LPP: variants seen among roughly 807,000 people sequenced by gnomAD.
LPP encodes the protein LIM domain containing preferred translocation partner in lipoma, also known as lipoma-preferred partner.
Under a neutral mutation model 60.4 loss-of-function variants are expected in LPP, and 38 were observed. The ratio of observed to expected loss-of-function variants is 0.63; its 90% CI spans 0.49 to 0.83. The LOEUF is 0.83. LPP is among the 40% of genes least tolerant of loss of function. LPP has a pLI of 0.00. For synonymous variants in LPP, 328 were observed against 290.8 expected (o/e 1.13, Z -1.30); for missense variants, 902 against 783.6 (o/e 1.15, Z -1.80).
chr3:188,619,458 A>G (rs1372672645), intron 7 of LPP, among the ~76,000 whole-genome samples: 2 of 152,266 alleles, frequency 1.3e-5, no homozygotes, highest in African/African-American at 4.8e-5. Context: ...AGAGGAGTTC[A>G]GGAAGGCAGC....
intron 5 of LPP, among the ~76,000 whole-genome samples, chr3:188,497,892 G>C (rs563833461): frequency 2.0e-5 from 3 of 151,996 alleles, no homozygotes; most frequent in Non-Finnish European, 4.4e-5. Flanking sequence ...TTTGGGCCAC[G>C]GCAACTATAT....
chr3:188,519,256 G>A lies in LPP; in HGVS notation c.307-5409G>A, dbSNP rs190279417. Among the ~76,000 whole-genome samples, 8 of 152,284 alleles carry A rather than the reference G, an allele frequency of 5.3e-5. No individual in the cohort carries two copies. The East Asian group carries it at 1.5e-3, about 29-fold the overall frequency. ...AAGCATGGGCCAAACTGACCCTTGAGCTTCCTGATGGGATGCAGCAGAAGG... is the reference window on the plus strand; with the variant it reads ...AAGCATGGGCCAAACTGACCCTTGAACTTCCTGATGGGATGCAGCAGAAGG... On this transcript the variant is annotated intron_variant, in intron 5 of 11. Transcript: ENST00000617246.
chr3:188,399,850 GA>G (rs1781834397), intron 3 of LPP, among the ~76,000 whole-genome samples: 1 of 152,026 alleles, frequency 6.6e-6, no homozygotes, highest in African/African-American at 2.4e-5. Context: ...TGATTTGGAC[GA>G]AAAAAAGGAA....
intron 2 of LPP, among the ~76,000 whole-genome samples, chr3:188,294,493 G>A (rs1358100782): frequency 6.6e-6 from 1 of 152,146 alleles, no homozygotes; most frequent in Non-Finnish European, 1.5e-5. Context: ...TAACAATGGT[G>A]AACACACTTA....
At chr3:188,262,558 C>A (rs980027778) in intron 2 of LPP, among the ~76,000 whole-genome samples, 2 of 152,004 alleles carry the variant, frequency 1.3e-5, no homozygotes, top group African/African-American at 2.4e-5. Context: ...TTAAAGGATT[C>A]AAGATTTAAA....
chr3:188,269,819 T>G (rs1737059494), intron 2 of LPP, among the ~76,000 whole-genome samples: 1 of 152,096 alleles, frequency 6.6e-6, no homozygotes, highest in East Asian at 1.9e-4. Context: ...CCCTAATTTT[T>G]GTATTTTTAG....
At chr3:188,483,130 T>C (rs1487458771) in intron 4 of LPP, among the ~76,000 whole-genome samples, 1 of 152,176 alleles carries the variant, frequency 6.6e-6, no homozygotes, top group Non-Finnish European at 1.5e-5. Flanking sequence ...AGCGGAGTAC[T>C]CGAGAGATAG....
intron 1 of LPP, among the ~76,000 whole-genome samples, chr3:188,195,399 G>A (rs1003891818): frequency 6.6e-6 from 1 of 152,138 alleles, no homozygotes; most frequent in Admixed American, 6.5e-5. Context: ...CCCAAGACTA[G>A]AAACTTAAAG....
rs982260452 is a variant in LPP, at chr3:188,888,704, C to T, written c.*14225C>T. ...ACCCAGAGTCGTACTGTGCAGCCTT[C>T]AAAAACATACCATCAGAAAGAGTAG... On this transcript the variant is annotated 3_prime_UTR_variant, in exon 12 of 12. Transcript: ENST00000617246. 8 of 221,388 alleles carry T rather than the reference C, an allele frequency of 3.6e-5. No homozygotes were observed. The highest frequency in any genetic ancestry group is 5.4e-5 in the Non-Finnish European group (6 of 110,666). The allele number at this position is 221,388 out of a possible 1,614,324, so 13.7% of individuals were successfully genotyped here. A position where few individuals can be genotyped will look rare whatever the true frequency, so the allele number is the denominator to read the frequency against.
intron 1 of LPP, among the ~76,000 whole-genome samples, chr3:188,216,297 A>C (rs1204899074): frequency 9.4e-5 from 11 of 117,538 alleles, no homozygotes; most frequent in Admixed American, 4.3e-4. Flanking sequence ...TTTTTGATGG[A>C]GTCTCACTCT....
intron 7 of LPP, among the ~76,000 whole-genome samples, chr3:188,700,541 A>G (rs2149581576): frequency 6.6e-6 from 1 of 152,258 alleles, no homozygotes; most frequent in East Asian, 1.9e-4. Context: ...AGAAAGGATG[A>G]TGGATATTTT....
intron 7 of LPP, among the ~76,000 whole-genome samples, chr3:188,701,941 T>C (rs966863914): frequency 7.5e-6 from 1 of 132,998 alleles, no homozygotes; most frequent in Admixed American, 9.5e-5. Context: ...TCTGTTTTTT[T>C]CCCTTTTTTT....
At chr3:188,450,597 T>C (rs894536687) in intron 4 of LPP, among the ~76,000 whole-genome samples, 1 of 151,926 alleles carries the variant, frequency 6.6e-6, no homozygotes, top group Non-Finnish European at 1.5e-5. Flanking sequence ...ATACAAAAAT[T>C]AGCTGGGCAT....
At chr3:188,316,626 A>C (rs74464406) in intron 2 of LPP, among the ~76,000 whole-genome samples, 23 of 152,226 alleles carry the variant, frequency 1.5e-4, no homozygotes, top group Non-Finnish European at 2.6e-4. Context: ...GCTGTAGTGC[A>C]GGGAAAGATG....
At chr3:188,702,192 G>T (rs1302101929) in intron 7 of LPP, among the ~76,000 whole-genome samples, 1 of 151,914 alleles carries the variant, frequency 6.6e-6, no homozygotes, top group Non-Finnish European at 1.5e-5. Flanking sequence ...TCCTGACCTC[G>T]TGATCCGCCT....
chr3:188,507,040 A>G (rs1035502944), intron 5 of LPP, among the ~76,000 whole-genome samples: 2 of 151,480 alleles, frequency 1.3e-5, no homozygotes, highest in Admixed American at 6.6e-5. Flanking sequence ...CTCGTGGTCC[A>G]CCTACCTCGG....
chr3:188,233,092 G>A (rs1720665474), intron 2 of LPP, among the ~76,000 whole-genome samples: 1 of 152,168 alleles, frequency 6.6e-6, no homozygotes, highest in African/African-American at 2.4e-5. Flanking sequence ...CAGCGTTTGT[G>A]TATTGGTCAC....
chr3:188,800,527 G>A (rs113796608), intron 9 of LPP, among the ~76,000 whole-genome samples: 2 of 152,130 alleles, frequency 1.3e-5, no homozygotes, highest in Admixed American at 6.5e-5. Context: ...TTACAGGCGT[G>A]AGCCACCACA....
intron 7 of LPP, among the ~76,000 whole-genome samples, chr3:188,704,785 T>C (rs989467472): frequency 6.6e-6 from 1 of 152,112 alleles, no homozygotes; most frequent in African/African-American, 2.4e-5. Context: ...GTTGTTGTTT[T>C]GTCAAAAGAC....
Sources: allele counts gnomAD v4.1 joint callset (sites outside exome capture counted in the v4.1 genomes callset), GRCh38; gene constraint gnomAD v4.1.1; transcripts MANE v1.5; gene names NCBI Gene and HGNC (gene_info 2026-07-23, HGNC 2026-07-21).